DST: variants seen among roughly 807,000 people sequenced by gnomAD.
The protein encoded by DST is bullous pemphigoid antigen.
Under a neutral mutation model 875.2 loss-of-function variants are expected in DST, and 253 were observed. The ratio of observed to expected loss-of-function variants is 0.29; its 90% CI spans 0.26 to 0.32. DST has a LOEUF of 0.32. Among genes scored for constraint, DST ranks in the 10% least tolerant of loss-of-function variants. DST has a pLI of 1.00. For missense variants in DST, 8,287 were observed against 9,111.6 expected, an observed-to-expected ratio of 0.91 and a Z score of 3.68; for synonymous variants, 3,124 against 3,197.1, an observed-to-expected ratio of 0.98 and a Z score of 0.77.
At chr6:56,465,979 G>C in intron 99 of DST, 99 bp downstream of exon 99, 1 of 875,018 alleles carries the variant, frequency 1.1e-6, no homozygotes, top group Non-Finnish European at 1.8e-6. Context: ...ATTCACTATT[G>C]GAATAAATGA....
At chr6:56,587,481 C>T (rs1351983353) in intron 49 of DST, among the ~76,000 whole-genome samples, 2 of 152,170 alleles carry the variant, frequency 1.3e-5, no homozygotes, top group African/African-American at 4.8e-5. Context: ...AGTTGGAAAA[C>T]ACTCTGCAGG....
At chr6:56,595,057 T>C (rs898368177) in intron 47 of DST, among the ~76,000 whole-genome samples, 3 of 152,260 alleles carry the variant, frequency 2.0e-5, no homozygotes, top group African/African-American at 7.2e-5. Context: ...TCTTCTTCCA[T>C]TCACCCCAAT....
chr6:56,635,518 T>C (rs1009717172), intron 24 of DST, 71 bp downstream of exon 24: 3 of 1,482,324 alleles, frequency 2.0e-6, no homozygotes, highest in African/African-American at 2.8e-5. Flanking sequence ...AAATACAAAG[T>C]TCTGCTCATA....
chr6:56,658,987 A>G (rs1303606462), intron 10 of DST, among the ~76,000 whole-genome samples: 1 of 152,230 alleles, frequency 6.6e-6, no homozygotes, highest in Non-Finnish European at 1.5e-5. Flanking sequence ...GGCCAAGACA[A>G]TGCAGACTCT....
At chr6:56,526,969 AAC>A (rs1263362070) in intron 68 of DST, among the ~76,000 whole-genome samples, 1 of 152,184 alleles carries the variant, frequency 6.6e-6, no homozygotes, top group African/African-American at 2.4e-5. Context: ...AATGATGACA[AAC>A]TGGCTTTATA....
intron 5 of DST, among the ~76,000 whole-genome samples, chr6:56,712,090 CAA>C (rs34769867): frequency 1.3e-4 from 10 of 76,532 alleles, no homozygotes; most frequent in Non-Finnish European, 2.5e-4. Flanking sequence ...GACTCCGTCT[CAA>C]AAAAAAAAAA....
intron 9 of DST, chr6:56,693,091 G>C: frequency 7.8e-7 from 1 of 1,289,458 alleles, no homozygotes; most frequent in Non-Finnish European, 1.0e-6. Flanking sequence ...AGGAGTTTTG[G>C]CAGGATCTAC....
At chr6:56,869,411 A>G (rs902235203) in intron 3 of DST, among the ~76,000 whole-genome samples, 35 of 152,344 alleles carry the variant, frequency 2.3e-4, no homozygotes, top group African/African-American at 8.4e-4. Context: ...AACAGGAGAC[A>G]GAAGAGTAGG....
intron 5 of DST, among the ~76,000 whole-genome samples, chr6:56,724,434 T>G (rs988625507): frequency 2.0e-5 from 3 of 152,220 alleles, no homozygotes; most frequent in African/African-American, 7.2e-5. Flanking sequence ...AGTTTGTTGG[T>G]TTAAAAAATA....
At chr6:56,725,390 G>A (rs187308312) in intron 5 of DST, among the ~76,000 whole-genome samples, 2 of 152,128 alleles carry the variant, frequency 1.3e-5, no homozygotes, top group African/African-American at 2.4e-5. Flanking sequence ...GATGGCTAAT[G>A]TGCTCTATCA....
chr6:56,618,046 A>C, intron 36 of DST: 3 of 1,614,194 alleles, frequency 1.9e-6, no homozygotes, highest in Non-Finnish European at 2.5e-6. Flanking sequence ...GATACCTAAC[A>C]GGTGGTCTAG....
chr6:56,470,069 C>A (rs1582249624), intron 96 of DST, 59 bp downstream of exon 96: 5 of 1,603,024 alleles, frequency 3.1e-6, no homozygotes, highest in Non-Finnish European at 8.5e-7. Context: ...ATGAATTGTG[C>A]ATGATATCGT....
rs1583412049 is a variant in DST at position 56,506,519 on chromosome 6, T to C, written c.19388A>G (p.Asn6463Ser). ...GTCAATCCGGTCTTTCCAAGCTTTA[T>C]TTAGAGAATCCCATGCTGAATTTAA... ...DELNSAWDSLNKAWKDRIDKL... is the reference protein window; with the variant it reads ...DELNSAWDSLSKAWKDRIDKL... The change falls in exon 77 of 104, where the codon AAT becomes AGT. Residue 6463 changes from asparagine (N) to serine (S), a missense_variant. Asn to Ser is a conservative substitution (Grantham distance 46). Around this residue, in one of 10 missense-constraint regions of DST, gnomAD observed 1,292 missense variants for 1,552.7 expected, o/e 0.83. Coordinates refer to ENST00000680361, the MANE Select transcript of DST (RefSeq NM_001374736.1). The C allele has an allele frequency of 6.2e-7, 1 of 1,612,958 alleles. No individual in the cohort carries two copies. The highest frequency in any genetic ancestry group is 1.3e-5 in the African/African-American group (1 of 74,904).
At chr6:56,492,725 C>A (rs2095791975) in intron 84 of DST, among the ~76,000 whole-genome samples, 1 of 151,962 alleles carries the variant, frequency 6.6e-6, no homozygotes, top group Non-Finnish European at 1.5e-5. Flanking sequence ...CAAAAATTAG[C>A]CAGGCATGCT....
At chr6:56,735,634 G>A (rs1474335273) in intron 4 of DST, among the ~76,000 whole-genome samples, 1 of 151,146 alleles carries the variant, frequency 6.6e-6, no homozygotes, top group African/African-American at 2.4e-5. Context: ...TTTACCATAT[G>A]TACATCCCAT....
chr6:56,596,946 A>G (rs1167031203), intron 47 of DST, among the ~76,000 whole-genome samples: 1 of 152,222 alleles, frequency 6.6e-6, no homozygotes, highest in East Asian at 1.9e-4. Context: ...AAAGAACTTA[A>G]GTGAGCTCAA....
At chr6:56,615,813 C>A in intron 36 of DST, 1 of 1,614,078 alleles carries the variant, frequency 6.2e-7, no homozygotes, top group Non-Finnish European at 8.5e-7. Flanking sequence ...CATCGGATTC[C>A]CATTTCCTTA....
intron 4 of DST, among the ~76,000 whole-genome samples, chr6:56,840,493 T>C (rs549179895): frequency 2.8e-4 from 43 of 152,286 alleles, no homozygotes; most frequent in African/African-American, 9.1e-4. Flanking sequence ...TAATCAGATG[T>C]CCCTGAATAT....
rs148428091 is a variant in DST at position 56,678,820 on chromosome 6, C to T, written c.1048-8013G>A. Among the ~76,000 whole-genome samples, 476 of 152,332 alleles carry T rather than the reference C, an allele frequency of 3.1e-3. 2 individuals are homozygous for T. Among genetic ancestry groups the T allele is most frequent in the Middle Eastern group, 0.017 (5 of 294 alleles). On this transcript the variant is annotated intron_variant, in intron 9 of 103. Transcript: ENST00000680361. The stretch of plus-strand genomic sequence containing the variant: ...ATGGGACCAAAATTATCTACATGAA[C>T]AAGCTTTACTAACGGGCCTTTGTCT...
Sources: allele counts gnomAD v4.1 joint callset (sites outside exome capture counted in the v4.1 genomes callset), GRCh38; gene constraint gnomAD v4.1.1; regional missense constraint gnomAD v4.1.1; transcripts MANE v1.5; gene names NCBI Gene and HGNC (gene_info 2026-07-23, HGNC 2026-07-21).